Variants in BICC1 observed in about 807,000 individuals in gnomAD.
BICC1 encodes the protein BicC family RNA binding protein 1.
In BICC1, 43 loss-of-function variants were observed where a neutral mutation model predicts 111.0. The observed-to-expected ratio is 0.39, with a 90% CI of 0.30 to 0.50. The LOEUF is 0.50. BICC1 is among the 20% of genes least tolerant of loss of function. BICC1 has a pLI of 0.88. For missense variants in BICC1, 1,091 were observed against 1,203.2 expected (o/e 0.91, Z 1.38); for synonymous variants, 467 against 434.4 (o/e 1.07, Z -0.93).
chr10:58,530,687 A>C (rs1461070606), intron 1 of BICC1, among the ~76,000 whole-genome samples: 1 of 116,778 alleles, frequency 8.6e-6, no homozygotes, highest in Non-Finnish European at 1.8e-5. Context: ...TTAAATGCAA[A>C]AAAAAAAAAA....
chr10:58,716,538 G>A (rs1840747113), intron 3 of BICC1, among the ~76,000 whole-genome samples: 1 of 152,116 alleles, frequency 6.6e-6, no homozygotes, highest in Non-Finnish European at 1.5e-5. Context: ...AGTCATACTA[G>A]TGGTTAAGAT....
At chr10:58,576,847 A>T (rs771176081) in intron 1 of BICC1, among the ~76,000 whole-genome samples, 9 of 152,172 alleles carry the variant, frequency 5.9e-5, no homozygotes, top group Non-Finnish European at 1.3e-4. Flanking sequence ...AGAGAGAAAG[A>T]AAGTTATCCC....
rs538647878 is a variant in BICC1 at position 58,674,249 on chromosome 10, C to T, written c.238-27825C>T. On this transcript the variant is annotated intron_variant, in intron 2 of 20. Coordinates refer to ENST00000373886, the MANE Select transcript of BICC1 (RefSeq NM_001080512.3). ...CACCTCTGACCACTCTTTATTATTT[C>T]CCTGAAACTCAGATCAAGTGTCAGT... 2.0e-3 allele frequency among the ~76,000 whole-genome samples: 88 copies of T among 43,942 alleles called. No homozygotes were observed. The Admixed American group carries it at 0.021, about 11-fold the overall frequency. The allele number at this position is 43,942 out of a possible 152,430, so 28.8% of individuals were successfully genotyped here.
chr10:58,704,292 G>A (rs1225167594), intron 3 of BICC1, among the ~76,000 whole-genome samples: 1 of 152,142 alleles, frequency 6.6e-6, no homozygotes, highest in Non-Finnish European at 1.5e-5. Flanking sequence ...GATGTATATA[G>A]TACTATATGA....
At chr10:58,566,090 C>T (rs1843745285) in intron 1 of BICC1, among the ~76,000 whole-genome samples, 1 of 151,802 alleles carries the variant, frequency 6.6e-6, no homozygotes, top group South Asian at 2.1e-4. Context: ...CAATTTTATC[C>T]AGGTTGCTGC....
chr10:58,529,205 C>T (rs1192278819), intron 1 of BICC1, among the ~76,000 whole-genome samples: 1 of 151,840 alleles, frequency 6.6e-6, no homozygotes, highest in Non-Finnish European at 1.5e-5. Context: ...GTCACATTTT[C>T]CTTTTCCTCT....
chr10:58,812,662 G>A lies in BICC1; in HGVS notation c.2377-1168G>A, dbSNP rs562583748. Among the ~76,000 whole-genome samples the A allele has an allele frequency of 1.4e-3, 209 of 151,930 alleles. 2 individuals are homozygous for A. Among genetic ancestry groups the A allele is most frequent in the African/African-American group, 5.0e-3 (206 of 41,434 alleles). On this transcript the variant is annotated intron_variant, in intron 17 of 20. Transcript: ENST00000373886. ...CCAGCTAATTTTTGTATTTTTAGTA[G>A]ATATGGGGTTTCACCATGTTGGCCA...
chr10:58,523,950 A>G (rs951084472), intron 1 of BICC1, among the ~76,000 whole-genome samples: 4 of 152,310 alleles, frequency 2.6e-5, no homozygotes, highest in Admixed American at 6.5e-5. Flanking sequence ...CCCATTCACA[A>G]TTGCTTCAAA....
chr10:58,764,179 A>G (rs935907358), intron 3 of BICC1, among the ~76,000 whole-genome samples: 1 of 152,198 alleles, frequency 6.6e-6, no homozygotes, highest in Non-Finnish European at 1.5e-5. Flanking sequence ...TTACTCTGAG[A>G]ATAGCCAGTT....
Position 58,513,126 on chromosome 10 carries a change from G to C in BICC1, c.-18G>C. The C allele has an allele frequency of 7.0e-7, 1 of 1,433,122 alleles. No individual in the cohort carries two copies. The highest frequency in any genetic ancestry group is 9.1e-7 in the Non-Finnish European group (1 of 1,096,804). 88.8% of individuals were successfully genotyped at this position (1,433,122 alleles called of 1,614,324 possible). On this transcript the variant is annotated 5_prime_UTR_variant, in exon 1 of 21. Coordinates refer to ENST00000373886, the MANE Select transcript of BICC1 (RefSeq NM_001080512.3). Reference sequence around the variant, plus strand: ...AGAGCGGCGGCGGCAGCGGGAGCCCGAGCGCTGCGCGCCCACCATGGCCGC... The same window carrying C: ...AGAGCGGCGGCGGCAGCGGGAGCCCCAGCGCTGCGCGCCCACCATGGCCGC...
At chr10:58,557,869 A>T (rs1843496589) in intron 1 of BICC1, among the ~76,000 whole-genome samples, 1 of 151,878 alleles carries the variant, frequency 6.6e-6, no homozygotes, top group Non-Finnish European at 1.5e-5. Context: ...CTGTTTCTTT[A>T]CATGTCTAGT....
chr10:58,525,730 A>G (rs1200262503), intron 1 of BICC1, among the ~76,000 whole-genome samples: 3 of 151,906 alleles, frequency 2.0e-5, no homozygotes, highest in Non-Finnish European at 4.4e-5. Flanking sequence ...TTTTAAAGCA[A>G]TACAAGGAAG....
chr10:58,686,852 G>A (rs942462108), intron 2 of BICC1, among the ~76,000 whole-genome samples: 15 of 152,136 alleles, frequency 9.9e-5, no homozygotes, highest in Non-Finnish European at 1.9e-4. Flanking sequence ...ATTACCAATC[G>A]TCTGAAGCCT....
intron 2 of BICC1, among the ~76,000 whole-genome samples, chr10:58,681,909 C>T (rs543751242): frequency 2.6e-5 from 4 of 151,992 alleles, no homozygotes; most frequent in Non-Finnish European, 4.4e-5. Context: ...GGTACATGTG[C>T]ACAACGTGCA....
chr10:58,566,148 A>ATGTG (rs35056463), intron 1 of BICC1, among the ~76,000 whole-genome samples: 49,927 of 150,812 alleles, frequency 0.33, 10,253 homozygotes, highest in Admixed American at 0.54. Flanking sequence ...TAATTCAATG[A>ATGTG]TGTGTGTGTG....
Position 58,799,193 on chromosome 10 carries a change from A to G in BICC1, c.1666A>G (p.Ile556Val). Residue 556 changes from isoleucine to valine, a missense_variant, in exon 12 of 21, where the codon ATC becomes GTC. Ile to Val is a conservative substitution (Grantham distance 29). Coordinates refer to ENST00000373886, the MANE Select transcript of BICC1 (RefSeq NM_001080512.3). ...TGGCTTGACTCCTGTTGATGTCCAT[A>G]TCAACAGTATGCAGACCGAAGGCAA... ...PPGLTPVDVH[I>V]NSMQTEGKKI... is the part of the protein sequence containing the mutation. 2 of 1,613,720 alleles carry G rather than the reference A, an allele frequency of 1.2e-6. No homozygotes were observed. Among genetic ancestry groups the G allele is most frequent in the Non-Finnish European group, 8.5e-7 (1 of 1,179,866 alleles).
At chr10:58,614,192 T>G (rs1332611751) in intron 1 of BICC1, among the ~76,000 whole-genome samples, 2 of 152,162 alleles carry the variant, frequency 1.3e-5, no homozygotes, top group Non-Finnish European at 2.9e-5. Context: ...ACTCTCTTAA[T>G]AGGCTCTCAT....
At chr10:58,693,855 C>G (rs1284556213) in intron 2 of BICC1, among the ~76,000 whole-genome samples, 2 of 152,114 alleles carry the variant, frequency 1.3e-5, no homozygotes, top group Non-Finnish European at 2.9e-5. Flanking sequence ...TGCAGAAGCT[C>G]TTTAGTTTAA....
At chr10:58,560,118 T>C (rs1310606907) in intron 1 of BICC1, among the ~76,000 whole-genome samples, 3 of 152,034 alleles carry the variant, frequency 2.0e-5, no homozygotes, top group Admixed American at 6.6e-5. Flanking sequence ...CTTCAATTTT[T>C]TGGAGTGATT....
Sources: allele counts gnomAD v4.1 joint callset (sites outside exome capture counted in the v4.1 genomes callset), GRCh38; gene constraint gnomAD v4.1.1; transcripts MANE v1.5; gene names NCBI Gene and HGNC (gene_info 2026-07-23, HGNC 2026-07-21).